Variants in PRIM2 observed in about 807,000 individuals in gnomAD.
PRIM2 encodes DNA primase large subunit.
PRIM2 carries 39 observed loss-of-function variants against 67.3 expected under a neutral mutation model. The ratio of observed to expected loss-of-function variants is 0.58; its 90% CI spans 0.45 to 0.76. PRIM2 has a LOEUF of 0.76. Ranked by LOEUF, PRIM2 falls within the 30% of genes least tolerant of loss-of-function variation. PRIM2 has a pLI of 0.00. For synonymous variants in PRIM2, 143 were observed against 198.7 expected (o/e 0.72, Z 2.36); for missense variants, 398 against 598.7 (o/e 0.66, Z 3.50).
chr6:57,483,853 G>GA (rs1334345743), intron 7 of PRIM2, among the ~76,000 whole-genome samples: 1 of 152,136 alleles, frequency 6.6e-6, no homozygotes, highest in African/African-American at 2.4e-5. Flanking sequence ...TATTTTCTTT[G>GA]AAATGTAAGG....
intron 7 of PRIM2, among the ~76,000 whole-genome samples, chr6:57,506,742 A>T (rs1774258701): frequency 6.6e-6 from 1 of 152,066 alleles, no homozygotes; most frequent in Admixed American, 6.6e-5. Flanking sequence ...TATTGTAATA[A>T]AATAGATCAT....
chr6:57,435,268 A>G (rs1191351427), intron 7 of PRIM2: 1 of 152,204 alleles, frequency 6.6e-6, no homozygotes, highest in Admixed American at 6.5e-5. Flanking sequence ...AACTTGACCA[A>G]AAATGGATTT....
At chr6:57,288,921 C>A in the PRIM2 span, among the ~76,000 whole-genome samples, 2 of 152,292 alleles carry the variant, frequency 1.3e-5, no homozygotes, top group South Asian at 2.1e-4. Context: ...AGCTCCTCGC[C>A]AGCAAGGGAA....
At chr6:57,438,801 C>T (rs1488383738) in intron 7 of PRIM2, among the ~76,000 whole-genome samples, 2 of 151,114 alleles carry the variant, frequency 1.3e-5, no homozygotes, top group African/African-American at 2.4e-5. Flanking sequence ...GAAACGGAGT[C>T]TCTCTCTTGT....
At chr6:57,619,333 C>T (rs1776810474) in intron 12 of PRIM2, among the ~76,000 whole-genome samples, 1 of 152,116 alleles carries the variant, frequency 6.6e-6, no homozygotes, top group Admixed American at 6.5e-5. Flanking sequence ...AGAAAACCAC[C>T]CCTGGTAATA....
intron 13 of PRIM2, among the ~76,000 whole-genome samples, chr6:57,645,610 G>T (rs1777321734): frequency 6.6e-6 from 1 of 151,250 alleles, no homozygotes. Flanking sequence ...TACGTTTCCT[G>T]TTGGGTTTGA....
At chr6:57,466,928 C>T (rs1554344446) in intron 7 of PRIM2, among the ~76,000 whole-genome samples, 3 of 151,978 alleles carry the variant, frequency 2.0e-5, no homozygotes, top group Admixed American at 6.6e-5. Flanking sequence ...AGAGACCAGC[C>T]TGACCAAATG....
intron 13 of PRIM2, among the ~76,000 whole-genome samples, chr6:57,635,745 T>C (rs1777109959): frequency 6.6e-6 from 1 of 152,220 alleles, no homozygotes; most frequent in Admixed American, 6.5e-5. Flanking sequence ...TGGATATCAG[T>C]TAGAATGCTG....
intron 7 of PRIM2, among the ~76,000 whole-genome samples, chr6:57,475,695 A>T (rs1773460750): frequency 6.6e-6 from 1 of 152,240 alleles, no homozygotes; most frequent in African/African-American, 2.4e-5. Flanking sequence ...GGCCCAGAGC[A>T]TGTCAAGGAT....
chr6:57,272,929 T>C, the PRIM2 span, among the ~76,000 whole-genome samples: 10 of 152,356 alleles, frequency 6.6e-5, no homozygotes, highest in Admixed American at 5.9e-4. Flanking sequence ...GAAAATTCTT[T>C]TCTTGAAGAA....
At chr6:57,291,655 A>G in the PRIM2 span, among the ~76,000 whole-genome samples, 2 of 152,206 alleles carry the variant, frequency 1.3e-5, no homozygotes, top group African/African-American at 4.8e-5. Flanking sequence ...ACCACGATCA[A>G]GTTGGCTTCA....
chr6:57,319,293 T>C (rs1767575733), intron 2 of PRIM2, among the ~76,000 whole-genome samples: 1 of 152,196 alleles, frequency 6.6e-6, no homozygotes, highest in Admixed American at 6.5e-5. Flanking sequence ...AGTGTGTTGC[T>C]AGAGAAAAGA....
chr6:57,503,035 G>T (rs1275454279), intron 7 of PRIM2, among the ~76,000 whole-genome samples: 4 of 152,178 alleles, frequency 2.6e-5, no homozygotes, highest in Admixed American at 1.3e-4. Flanking sequence ...AGTGTCTAGG[G>T]CAGACTTTTC....
intron 7 of PRIM2, among the ~76,000 whole-genome samples, chr6:57,497,160 T>A (rs1436158257): frequency 2.6e-5 from 4 of 152,324 alleles, no homozygotes; most frequent in Non-Finnish European, 4.4e-5. Flanking sequence ...TATACGTTTT[T>A]AAGATAACTA....
intron 5 of PRIM2, among the ~76,000 whole-genome samples, chr6:57,366,483 G>A (rs1474830733): frequency 1.3e-5 from 2 of 152,106 alleles, no homozygotes; most frequent in Non-Finnish European, 2.9e-5. Context: ...GGGGTGATGC[G>A]TTGCTTGTGA....
chr6:57,465,255 C>T (rs1414997883), intron 7 of PRIM2, among the ~76,000 whole-genome samples: 2,492 of 152,306 alleles, frequency 0.016, 72 homozygotes, highest in African/African-American at 0.056. Flanking sequence ...CTTGCTTTCT[C>T]AGCTTTTCTT....
the PRIM2 span, among the ~76,000 whole-genome samples, chr6:57,265,233 A>G: frequency 6.6e-6 from 1 of 152,160 alleles, no homozygotes; most frequent in Admixed American, 6.5e-5. Flanking sequence ...ATGTGGGCAA[A>G]TGATCAGGCC....
chr6:57,455,362 A>G (rs1166127892), intron 7 of PRIM2, among the ~76,000 whole-genome samples: 78 of 152,268 alleles, frequency 5.1e-4, no homozygotes, highest in African/African-American at 1.8e-3. Context: ...TGTCTCGTTG[A>G]TCTGTCTAAT....
intron 10 of PRIM2, among the ~76,000 whole-genome samples, chr6:57,561,068 A>C (rs1775617171): frequency 6.6e-6 from 1 of 152,132 alleles, no homozygotes; most frequent in Admixed American, 6.5e-5. Context: ...CACATTGAAA[A>C]TGTGTTGTTT....
Sources: gnomAD v4.1 joint callset for allele counts (sites outside exome capture counted in the v4.1 genomes callset) on GRCh38, gnomAD v4.1.1 for gene constraint, MANE v1.5 for transcripts, NCBI Gene and HGNC (gene_info 2026-07-23, HGNC 2026-07-21) for gene names.